Variants in PHF19 observed in about 807,000 individuals in gnomAD.
The protein encoded by PHF19 is polycomb like 3.
PHF19 carries 21 observed loss-of-function variants against 79.8 expected under a neutral mutation model. That is an observed-to-expected ratio of 0.26 (90% CI 0.19 to 0.38). PHF19 has a LOEUF of 0.38. Ranked by LOEUF, PHF19 falls within the 10% of genes least tolerant of loss-of-function variation. PHF19 has a pLI of 1.00. For missense variants in PHF19, 445 were observed against 744.2 expected (o/e 0.60, Z 4.68); for synonymous variants, 273 against 296.3 (o/e 0.92, Z 0.81).
At chr9:120,894,123 C>T (rs565695345) in intron 1 of PHF19, among the ~76,000 whole-genome samples, 3 of 152,298 alleles carry the variant, frequency 2.0e-5, no homozygotes, top group Non-Finnish European at 4.4e-5. Context: ...CAGGGACGAC[C>T]CTAATCATGG....
In PHF19 at chr9:120,891,664, C is replaced by T. The variant is rs1217959792; in HGVS notation, c.42+3124G>A. Among the ~76,000 whole-genome samples the T allele has an allele frequency of 2.0e-5, 3 of 152,148 alleles. No individual in the cohort carries two copies. The highest frequency in any genetic ancestry group is 2.9e-5 in the Non-Finnish European group (2 of 68,026). ...GAACTCGGAACCCCACTATATTTGC[C>T]ATATTTGTTGTGTTGAAAGAAAACT... is the stretch of plus-strand genomic sequence containing the variant. On this transcript the variant is annotated intron_variant, in intron 1 of 14. Transcript: ENST00000616568. This position sits in a 1 kb window ranked among gnomAD's most constrained non-coding sequence, Gnocchi z 4.3.
chr9:120,895,365 T>C (rs2046392443), upstream of PHF19, among the ~76,000 whole-genome samples: 1 of 150,832 alleles, frequency 6.6e-6, no homozygotes, highest in Non-Finnish European at 1.5e-5. Context: ...GGTGGGAGGA[T>C]GGATTCAGCC....
intron 1 of PHF19, among the ~76,000 whole-genome samples, chr9:120,892,626 C>T (rs1242668626): frequency 6.6e-6 from 1 of 152,128 alleles, no homozygotes; most frequent in East Asian, 1.9e-4. Flanking sequence ...CATATAGGAC[C>T]TCAAGGTCCA....
Position 120,870,805 on chromosome 9 carries a change from C to T in PHF19, c.269-267G>A, listed in dbSNP as rs1316740096. Among the ~76,000 whole-genome samples the T allele has an allele frequency of 6.6e-6, 1 of 152,098 alleles. No homozygotes were observed. Among genetic ancestry groups the T allele is most frequent in the Non-Finnish European group, 1.5e-5 (1 of 68,010 alleles). The stretch of plus-strand genomic sequence containing the variant: ...AACCCATGGCTGTTTGACATCAAAC[C>T]CTTTGTTCTTTTGACACATCATGCT... On this transcript the variant is annotated intron_variant, in intron 3 of 14. Transcript: ENST00000373896. This position sits in a 1 kb window ranked among gnomAD's most constrained non-coding sequence, Gnocchi z 4.4.
rs1028721882 is a variant in PHF19, at chr9:120,857,409, G to T, written c.*535C>A. 2.6e-5 allele frequency: 4 copies of T among 152,586 alleles called. No homozygotes were observed. The highest frequency in any genetic ancestry group is 4.8e-5 in the African/African-American group (2 of 41,448). The allele number at this position is 152,586 out of a possible 1,614,324, so 9.5% of individuals were successfully genotyped here. The stretch of plus-strand genomic sequence containing the variant: ...CCTCTCTCCGAGGGTAGTGGGGAGT[G>T]GCAGGAAAGTGGAAGAGAAAAGCAC... On this transcript the variant is annotated 3_prime_UTR_variant, in exon 15 of 15. Transcript: ENST00000373896.
At chr9:120,890,531 C>A (rs1010685398) in intron 1 of PHF19, among the ~76,000 whole-genome samples, 1 of 152,094 alleles carries the variant, frequency 6.6e-6, no homozygotes, top group Non-Finnish European at 1.5e-5. Context: ...CAGGAGGACT[C>A]GCTCCTAATT....
chr9:120,880,242 C>T (rs1356684539), upstream of PHF19, among the ~76,000 whole-genome samples: 1 of 152,240 alleles, frequency 6.6e-6, no homozygotes, highest in South Asian at 2.1e-4. Flanking sequence ...TGCCTGTAAT[C>T]CCAGCACTTT....
chr9:120,890,519 GGCAGGAGGACTCGC>G (rs949869822), intron 1 of PHF19, among the ~76,000 whole-genome samples: 1 of 152,040 alleles, frequency 6.6e-6, no homozygotes, highest in African/African-American at 2.4e-5. Context: ...TAGCTCTCTG[GGCAGGAGGACTCGC>G]TCCTAATTCC....
At chr9:120,871,024 T>A (rs1564505149) in intron 3 of PHF19, among the ~76,000 whole-genome samples, 1 of 152,146 alleles carries the variant, frequency 6.6e-6, no homozygotes, top group Non-Finnish European at 1.5e-5. Context: ...TGCCTCAGCC[T>A]CCCGAGTAGC....
intron 1 of PHF19, among the ~76,000 whole-genome samples, chr9:120,886,629 A>G (rs1303791183): frequency 4.6e-5 from 7 of 152,182 alleles, no homozygotes; most frequent in Non-Finnish European, 1.0e-4. Context: ...CAGATGACCC[A>G]ATGTCAGCTG....
chr9:120,889,526 A>C (rs541695719), intron 1 of PHF19, among the ~76,000 whole-genome samples: 4 of 151,896 alleles, frequency 2.6e-5, no homozygotes, highest in Admixed American at 6.6e-5. Flanking sequence ...AGATCCTTTG[A>C]GCCTGGGAGT....
intron 3 of PHF19, among the ~76,000 whole-genome samples, chr9:120,872,658 G>A (rs1564507294): frequency 1.3e-5 from 2 of 151,132 alleles, no homozygotes; most frequent in African/African-American, 2.4e-5. Context: ...ATCTCTTATT[G>A]TAACAAATTC....
intron 1 of PHF19, among the ~76,000 whole-genome samples, chr9:120,887,611 T>C (rs2046282922): frequency 6.7e-6 from 1 of 149,932 alleles, no homozygotes; most frequent in Non-Finnish European, 1.5e-5. Flanking sequence ...AATACATCTG[T>C]TTATGAACAA....
chr9:120,863,432 T>C (rs1489393707), intron 10 of PHF19, among the ~76,000 whole-genome samples: 1 of 151,848 alleles, frequency 6.6e-6, no homozygotes, highest in African/African-American at 2.4e-5. Flanking sequence ...TGAATACTTG[T>C]TGATGGAACG....
upstream of PHF19, among the ~76,000 whole-genome samples, chr9:120,899,711 G>C (rs766248414): frequency 3.3e-5 from 5 of 152,170 alleles, no homozygotes; most frequent in Non-Finnish European, 5.9e-5. Flanking sequence ...CTGGGGCTAA[G>C]CTTTTTTGAA....
chr9:120,885,696 C>G (rs555622104), intron 1 of PHF19, among the ~76,000 whole-genome samples: 7 of 152,268 alleles, frequency 4.6e-5, no homozygotes, highest in South Asian at 4.2e-4. Flanking sequence ...GGCCTCTGCC[C>G]CTCCCTTGCC....
In PHF19 at chr9:120,858,119, T is replaced by C. The variant is rs777322759; in HGVS notation, c.1568A>G (p.Glu523Gly). Residue 523 changes from glutamate (E) to glycine (G), a missense_variant, in exon 15 of 15, where the codon GAG becomes GGG. Around this residue, in one of 5 missense-constraint regions of PHF19, gnomAD observed 125 missense variants for 180.5 expected, o/e 0.69. Transcript: ENST00000373896. The part of the protein sequence containing the change: ...PDEGIDSHTF[E>G]SISEDDSSLS... ...GGATGAGTCATCTTCACTGATGCTC[T>C]CAAATGTGTGGCTGTCAATGCCTTC... 7 of 1,614,014 alleles carry C rather than the reference T, an allele frequency of 4.3e-6. No individual in the cohort carries two copies. The highest frequency in any genetic ancestry group is 5.9e-6 in the Non-Finnish European group (7 of 1,179,966).
Position 120,869,381 on chromosome 9 carries a change from C to A in PHF19, c.466-51G>T. The A allele has an allele frequency of 2.5e-6, 4 of 1,577,258 alleles. No homozygotes were observed. Among genetic ancestry groups the A allele is most frequent in the Non-Finnish European group, 2.6e-6 (3 of 1,159,756 alleles). On this transcript the variant is annotated intron_variant, in intron 5 of 14. Coordinates refer to ENST00000373896, the MANE Select transcript of PHF19 (RefSeq NM_015651.3). The surrounding 1 kb of genome is among the most constrained non-coding windows in gnomAD (Gnocchi z 5.8). ...AACCACCAGGTCCGGGTGGACCACG[C>A]GAGTCAGCACGCGGCTGTCTATTGA...
intron 8 of PHF19, 35 bp downstream of exon 8, chr9:120,865,993 A>G (rs1442954278): frequency 1.3e-6 from 2 of 1,582,708 alleles, no homozygotes; most frequent in Non-Finnish European, 1.7e-6. Context: ...AGCTGGGAGG[A>G]GCAGCGGTGG....
Sources: allele counts gnomAD v4.1 joint callset (sites outside exome capture counted in the v4.1 genomes callset), GRCh38; gene constraint gnomAD v4.1.1; regional missense constraint gnomAD v4.1.1; non-coding constraint Gnocchi (gnomAD v3.1); transcripts MANE v1.5; gene names NCBI Gene and HGNC (gene_info 2026-07-23, HGNC 2026-07-21).